FMOD: variants seen among roughly 807,000 people sequenced by gnomAD.
FMOD encodes KSPG fibromodulin.
FMOD carries 15 observed loss-of-function variants against 27.0 expected under a neutral mutation model. The observed-to-expected ratio is 0.55, with a 90% CI of 0.37 to 0.85. The LOEUF (loss-of-function observed/expected upper bound fraction) is 0.85, where lower values mean the gene tolerates loss of function less well. FMOD is among the 40% of genes least tolerant of loss of function. The pLI, the probability that FMOD is intolerant of heterozygous loss-of-function variation, is 0.00. For synonymous variants in FMOD, 210 were observed against 214.0 expected (o/e 0.98, Z 0.16); for missense variants, 460 against 483.2 (o/e 0.95, Z 0.45).
At chr1:203,346,509 CT>C (rs1166192461) in intron 2 of FMOD, among the ~76,000 whole-genome samples, 1 of 147,038 alleles carries the variant, frequency 6.8e-6, no homozygotes, top group Non-Finnish European at 1.5e-5. Context: ...TTTTTTTTTC[CT>C]TTGGGCATTG....
chr1:203,342,262 GA>G lies in FMOD; in HGVS notation c.*80del. Reference sequence around the variant, plus strand: ...GACTTCTGTCACATGGTCCATCCTGGACCTTCCAGCAAAAGCCAAACCAAAC... The same window carrying G: ...GACTTCTGTCACATGGTCCATCCTGGCCTTCCAGCAAAAGCCAAACCAAAC... On this transcript the variant is annotated 3_prime_UTR_variant, in exon 3 of 3. Transcript: ENST00000354955. The G allele has an allele frequency of 6.5e-7, 1 of 1,533,160 alleles. No homozygotes were observed. The highest frequency in any genetic ancestry group is 8.8e-7 in the Non-Finnish European group (1 of 1,131,920). 95.0% of individuals were successfully genotyped at this position (1,533,160 alleles called of 1,614,324 possible). A position where few individuals can be genotyped will look rare whatever the true frequency, so the allele number is the denominator to read the frequency against.
chr1:203,349,651 G>A (rs1658958325), intron 1 of FMOD, among the ~76,000 whole-genome samples: 2 of 152,288 alleles, frequency 1.3e-5, no homozygotes, highest in South Asian at 4.1e-4. Context: ...TTGCTGTTGG[G>A]CCTACTGGGG....
chr1:203,347,987 C>T lies in FMOD; in HGVS notation c.284G>A (p.Arg95His), dbSNP rs774641258. 15 of 1,602,788 alleles carry T rather than the reference C, an allele frequency of 9.4e-6. No individual in the cohort carries two copies. The highest frequency in any genetic ancestry group is 9.0e-5 in the East Asian group (4 of 44,660). ...AACGAAGGGCAGGTACTTGAGGTTGCGATTGTCACAGTACATGGCCGTGGG... is the reference window on the plus strand; with the variant it reads ...AACGAAGGGCAGGTACTTGAGGTTGTGATTGTCACAGTACATGGCCGTGGG... ...NFPTAMYCDN[R>H]NLKYLPFVPS... The change falls in exon 2 of 3, where the codon CGC becomes CAC. Residue 95 changes from arginine (R) to histidine (H), a missense_variant. Transcript: ENST00000354955.
chr1:203,348,373 C>G (rs1393133216), intron 1 of FMOD, 96 bp from the exon 2 acceptor site: 9 of 1,280,578 alleles, frequency 7.0e-6, no homozygotes, highest in Non-Finnish European at 9.7e-6. Context: ...TTGAGCTATG[C>G]AGAGCTGACT....
At position 203,348,058 on chromosome 1, in the gene FMOD, T is replaced by G. The variant is rs752444177; in HGVS notation, c.213A>C (p.Pro71=). 5 of 1,613,624 alleles carry G rather than the reference T, an allele frequency of 3.1e-6. No individual in the cohort carries two copies. In the African/African-American group the frequency reaches 5.3e-5, roughly 17 times the overall value. The change falls in exon 2 of 3, where the codon CCA becomes CCC. Residue 71 remains proline, a synonymous_variant. Transcript: ENST00000354955. ...PAYTYGSPSP[P]DPRDCPQECD... is the part of the protein sequence containing the mutation. Reference sequence around the variant, plus strand: ...ACTCCTGGGGGCAGTCGCGGGGATCTGGAGGGGATGGAGAGCCGTAGGTGT... The same window carrying G: ...ACTCCTGGGGGCAGTCGCGGGGATCGGGAGGGGATGGAGAGCCGTAGGTGT...
At chr1:203,342,805 G>C (rs1042413007) in intron 2 of FMOD, among the ~76,000 whole-genome samples, 3 of 151,974 alleles carry the variant, frequency 2.0e-5, no homozygotes, top group African/African-American at 7.3e-5. Flanking sequence ...AGGATAGGGG[G>C]GCAGGTGGGC....
intron 1 of FMOD, among the ~76,000 whole-genome samples, chr1:203,349,331 ACACCTAGATGAC>A (rs1658952023): frequency 6.6e-6 from 1 of 152,214 alleles, no homozygotes. Flanking sequence ...CCCAGCGATG[ACACCTAGATGAC>A]CAGGCTCTGT....
At chr1:203,350,448 C>T (rs1422870863) in intron 1 of FMOD, among the ~76,000 whole-genome samples, 1 of 152,128 alleles carries the variant, frequency 6.6e-6, no homozygotes, top group East Asian at 1.9e-4. Flanking sequence ...AGATCTCTCC[C>T]TCCTATCAGT....
Position 203,351,095 on chromosome 1 carries a change from C to G in FMOD, c.-70G>C, listed in dbSNP as rs368696086. ...TGTCTGGCCTCCTTGGGTTGGAGAA[C>G]GTGTGAGAGAGGAAGAGAGAGAGGA... is the stretch of plus-strand genomic sequence containing the variant. On this transcript the variant is annotated 5_prime_UTR_variant, in exon 1 of 3. Coordinates refer to ENST00000354955, the MANE Select transcript of FMOD (RefSeq NM_002023.5). The G allele has an allele frequency of 6.6e-6, 1 of 152,162 alleles. No individual in the cohort carries two copies. The highest frequency in any genetic ancestry group is 1.5e-5 in the Non-Finnish European group (1 of 68,040). The allele number at this position is 152,162 out of a possible 1,614,324, so 9.4% of individuals were successfully genotyped here. A position where few individuals can be genotyped will look rare whatever the true frequency, so the allele number is the denominator to read the frequency against.
At position 203,342,324 on chromosome 1, in the gene FMOD, T is replaced by C; in HGVS notation, c.*19A>G. 1 of 1,601,548 alleles carries C rather than the reference T, an allele frequency of 6.2e-7. No individual in the cohort carries two copies. Among genetic ancestry groups the C allele is most frequent in the South Asian group, 1.1e-5 (1 of 90,446 alleles). On this transcript the variant is annotated 3_prime_UTR_variant, in exon 3 of 3. Transcript: ENST00000354955. The stretch of plus-strand genomic sequence containing the variant: ...AATGCCACGGGGGCTCTCCGCCCAG[T>C]ACCCGGTGCCAGGGCTGCTCAGATC...
intron 2 of FMOD, 148 bp downstream of exon 2, chr1:203,347,144 C>T (rs1571518911): frequency 3.5e-6 from 3 of 847,144 alleles, no homozygotes; most frequent in Non-Finnish European, 5.5e-6. Context: ...CTCTTTTGTA[C>T]AGGGGTATGG....
At position 203,347,450 on chromosome 1, in the gene FMOD, C is replaced by A; in HGVS notation, c.821G>T (p.Arg274Leu). ...GTTGGTTAGACTGTTGTGGGACAGC[C>A]GCACATACAGCAGCTTGGGCGCCCC... The part of the protein sequence containing the change: ...FRGAPKLLYV[R>L]LSHNSLTNNG... Residue 274 changes from arginine (R) to leucine (L), a missense_variant, in exon 2 of 3, where the codon CGG becomes CTG. Arg to Leu is a moderately radical substitution (Grantham distance 102, BLOSUM62 -2). Coordinates refer to ENST00000354955, the MANE Select transcript of FMOD (RefSeq NM_002023.5). 6.2e-7 allele frequency: 1 copy of A among 1,614,128 alleles called. No individual in the cohort carries two copies. The highest frequency in any genetic ancestry group is 8.5e-7 in the Non-Finnish European group (1 of 1,180,026).
intron 1 of FMOD, among the ~76,000 whole-genome samples, chr1:203,349,986 G>T (rs1369522748): frequency 6.6e-6 from 1 of 152,236 alleles, no homozygotes; most frequent in African/African-American, 2.4e-5. Context: ...CAGGAGAGAA[G>T]ACGAATGGAG....
Position 203,348,142 on chromosome 1 carries a change from G to A in FMOD, c.129C>T (p.Asp43=). 6.2e-7 allele frequency: 1 copy of A among 1,614,212 alleles called. No homozygotes were observed. Among genetic ancestry groups the A allele is most frequent in the Non-Finnish European group, 8.5e-7 (1 of 1,180,032 alleles). Residue 43 remains aspartate, a synonymous_variant, in exon 2 of 3, where the codon GAC becomes GAT. Coordinates refer to ENST00000354955, the MANE Select transcript of FMOD (RefSeq NM_002023.5). ...SQQSTYYDPY[D]PYPYETYEPY... The stretch of plus-strand genomic sequence containing the variant: ...GCTCGTAGGTCTCATACGGGTAAGG[G>A]TCATAGGGATCGTAGTAGGTGGACT...
At chr1:203,347,057 C>G (rs868478566) in intron 2 of FMOD, among the ~76,000 whole-genome samples, 28 of 152,190 alleles carry the variant, frequency 1.8e-4, no homozygotes, top group African/African-American at 6.8e-4. Context: ...AAACTTACCT[C>G]TCCTGGAAAG....
At chr1:203,348,893 G>A (rs944602641) in intron 1 of FMOD, among the ~76,000 whole-genome samples, 1 of 152,200 alleles carries the variant, frequency 6.6e-6, no homozygotes, top group Non-Finnish European at 1.5e-5. Context: ...TCCCTCTGCA[G>A]CCACCACAAG....
intron 2 of FMOD, among the ~76,000 whole-genome samples, chr1:203,345,829 C>T (rs927482906): frequency 2.1e-5 from 3 of 145,228 alleles, no homozygotes; most frequent in Admixed American, 7.1e-5. Context: ...ACCCAGGAGG[C>T]GGAGTTTGCA....
At chr1:203,342,617 G>C in intron 2 of FMOD, 123 bp from the exon 3 acceptor site, 7 of 952,782 alleles carry the variant, frequency 7.3e-6, no homozygotes, top group Non-Finnish European at 1.1e-5. Context: ...ATGGAGGGCA[G>C]ATGTTTTCCA....
Position 203,347,941 on chromosome 1 carries a change from C to A in FMOD, c.330G>T (p.Val110=). The A allele has an allele frequency of 6.2e-7, 1 of 1,610,140 alleles. No individual in the cohort carries two copies. Among genetic ancestry groups the A allele is most frequent in the Non-Finnish European group, 8.5e-7 (1 of 1,176,834 alleles). The change falls in exon 2 of 3, where the codon GTG becomes GTT. Residue 110 remains valine (V), a synonymous_variant. Transcript: ENST00000354955. ...LPFVPSRMKY[V]YFQNNQITSI... ...AGGTGATCTGGTTGTTCTGGAAGTA[C>A]ACATACTTCATGCGGGAGGGAACGA...
Sources: gnomAD v4.1 joint callset for allele counts (sites outside exome capture counted in the v4.1 genomes callset) on GRCh38, gnomAD v4.1.1 for gene constraint, MANE v1.5 for transcripts, NCBI Gene and HGNC (gene_info 2026-07-23, HGNC 2026-07-21) for gene names.